Variants in PGM5 observed in about 807,000 individuals in gnomAD.
PGM5 encodes phosphoglucomutase 5.
A neutral mutation model predicts 59.2 loss-of-function variants in PGM5; 23 were observed. The observed-to-expected ratio is 0.39, with a 90% CI of 0.28 to 0.55. The LOEUF is 0.55. Ranked by LOEUF, PGM5 falls within the 20% of genes least tolerant of loss-of-function variation. The pLI is 0.66. For missense variants in PGM5, 574 were observed against 748.3 expected (o/e 0.77, Z 2.72); for synonymous variants, 214 against 286.0 (o/e 0.75, Z 2.54).
At chr9:68,428,971 G>T (rs376626276) in intron 6 of PGM5, 2 of 152,136 alleles carry the variant, frequency 1.3e-5, no homozygotes, top group Non-Finnish European at 1.5e-5. Flanking sequence ...AGTTGGGTGA[G>T]CCTGGAAAAA....
At chr9:68,444,739 G>C (rs1823584435) in intron 6 of PGM5, among the ~76,000 whole-genome samples, 1 of 152,150 alleles carries the variant, frequency 6.6e-6, no homozygotes, top group Non-Finnish European at 1.5e-5. Context: ...CAGGGGTTGG[G>C]TATTTGAAAG....
At chr9:68,386,876 A>G (rs574238153) in intron 3 of PGM5, among the ~76,000 whole-genome samples, 2 of 152,056 alleles carry the variant, frequency 1.3e-5, no homozygotes, top group Non-Finnish European at 2.9e-5. Flanking sequence ...GAGAACTTCT[A>G]GATATTTGCC....
At chr9:68,396,390 G>T (rs1214931548) in intron 6 of PGM5, 1 of 152,154 alleles carries the variant, frequency 6.6e-6, no homozygotes, top group African/African-American at 2.4e-5. Context: ...ATTGTCCCCT[G>T]TGGGCTAGCA....
At chr9:68,376,452 C>A (rs2131989433) in intron 1 of PGM5, among the ~76,000 whole-genome samples, 1 of 150,272 alleles carries the variant, frequency 6.7e-6, no homozygotes, top group Non-Finnish European at 1.5e-5. Flanking sequence ...ACTAAATCAT[C>A]CCAAGGCCAC....
intron 1 of PGM5, among the ~76,000 whole-genome samples, chr9:68,364,831 G>C (rs1834648858): frequency 6.6e-6 from 1 of 150,442 alleles, no homozygotes; most frequent in African/African-American, 2.4e-5. Flanking sequence ...AGAACAGCTG[G>C]GTCCTCCCAG....
intron 6 of PGM5, among the ~76,000 whole-genome samples, chr9:68,416,381 A>T (rs1426748994): frequency 2.0e-5 from 3 of 152,158 alleles, no homozygotes; most frequent in African/African-American, 7.2e-5. Context: ...TAGCGTGCTC[A>T]TGCAGGATTA....
intron 6 of PGM5, chr9:68,393,758 C>G (rs2132013697): frequency 6.6e-6 from 1 of 152,134 alleles, no homozygotes; most frequent in Non-Finnish European, 1.5e-5. Context: ...ACATTCCATT[C>G]CTAAATATTT....
At chr9:68,529,537 T>G in intron 10 of PGM5, 30 bp from the exon 11 acceptor site, 2 of 1,499,646 alleles carry the variant, frequency 1.3e-6, no homozygotes, top group East Asian at 2.3e-5. Context: ...TGACTTGAGT[T>G]GTTCACAGAC....
At chr9:68,505,555 ACT>A (rs2132109463) in intron 10 of PGM5, among the ~76,000 whole-genome samples, 1 of 152,270 alleles carries the variant, frequency 6.6e-6, no homozygotes, top group South Asian at 2.1e-4. Flanking sequence ...AGAATGACTC[ACT>A]GACCTCAGAA....
intron 1 of PGM5, among the ~76,000 whole-genome samples, chr9:68,376,723 G>C (rs1554677702): frequency 6.6e-6 from 1 of 151,636 alleles, no homozygotes; most frequent in Non-Finnish European, 1.5e-5. Context: ...TTAAAATACA[G>C]GTTCTTATTC....
intron 6 of PGM5, among the ~76,000 whole-genome samples, chr9:68,408,117 T>C (rs1235701490): frequency 1.3e-5 from 2 of 152,192 alleles, no homozygotes; most frequent in African/African-American, 4.8e-5. Context: ...CCAGATGGGG[T>C]TTCTTTACAT....
intron 2 of PGM5, among the ~76,000 whole-genome samples, chr9:68,381,569 A>C (rs1718045844): frequency 6.6e-6 from 1 of 151,802 alleles, no homozygotes; most frequent in Non-Finnish European, 1.5e-5. Flanking sequence ...ATTGGAAAGG[A>C]GAAAGTAAAA....
rs557772122 is a variant in PGM5 at position 68,503,901 on chromosome 9, A to C, written c.1614+4540A>C. Among the ~76,000 whole-genome samples the C allele has an allele frequency of 2.0e-5, 3 of 152,330 alleles. No homozygotes were observed. In the South Asian group the frequency reaches 6.2e-4, roughly 32 times the overall value. On this transcript the variant is annotated intron_variant, in intron 10 of 10. Coordinates refer to ENST00000396396, the MANE Select transcript of PGM5 (RefSeq NM_021965.4). ...GATATTAATTAGACAAGTGCATCTC[A>C]AACTAATTACCGGCCAATCACCTTG...
rs577013974 is a variant in PGM5, at chr9:68,478,224, T to C, written c.1160-1194T>C. Among the ~76,000 whole-genome samples, 3 of 152,364 alleles carry C rather than the reference T, an allele frequency of 2.0e-5. No homozygotes were observed. In the East Asian group the frequency reaches 5.8e-4, roughly 29 times the overall value. On this transcript the variant is annotated intron_variant, in intron 7 of 10. Transcript: ENST00000396396. ...TCTGGGTTCTCATTGCACAGGAAGCTGGTCATTTAGACTGCAGTCTTCATT... is the reference window on the plus strand; with the variant it reads ...TCTGGGTTCTCATTGCACAGGAAGCCGGTCATTTAGACTGCAGTCTTCATT...
At chr9:68,477,957 G>A (rs1824132770) in intron 7 of PGM5, among the ~76,000 whole-genome samples, 1 of 152,234 alleles carries the variant, frequency 6.6e-6, no homozygotes, top group Admixed American at 6.5e-5. Flanking sequence ...CGCAAAATGG[G>A]TGATGGGGTC....
chr9:68,421,384 T>C (rs1823126826), intron 6 of PGM5, among the ~76,000 whole-genome samples: 1 of 152,180 alleles, frequency 6.6e-6, no homozygotes, highest in Non-Finnish European at 1.5e-5. Context: ...TTCCATCTTA[T>C]GGGCAACGGA....
intron 6 of PGM5, among the ~76,000 whole-genome samples, chr9:68,428,006 G>A (rs556676723): frequency 2.6e-5 from 4 of 152,298 alleles, no homozygotes; most frequent in South Asian, 2.1e-4. Context: ...GAGTTAGAAT[G>A]TTGTGGCTTT....
chr9:68,384,299 A>G (rs1205335188), intron 2 of PGM5, 99 bp from the exon 3 acceptor site: 28 of 779,098 alleles, frequency 3.6e-5, no homozygotes, highest in Non-Finnish European at 5.5e-5. Flanking sequence ...TAGAGAACAA[A>G]TGAATCTTTT....
chr9:68,416,114 A>C (rs187050708), intron 6 of PGM5, among the ~76,000 whole-genome samples: 1 of 152,352 alleles, frequency 6.6e-6, no homozygotes, highest in East Asian at 1.9e-4. Flanking sequence ...ATGTAGAGTG[A>C]GGAATTCCTT....
Sources: allele counts gnomAD v4.1 joint callset (sites outside exome capture counted in the v4.1 genomes callset), GRCh38; gene constraint gnomAD v4.1.1; transcripts MANE v1.5; gene names NCBI Gene and HGNC (gene_info 2026-07-23, HGNC 2026-07-21).